SNRNP40: variants seen among roughly 807,000 people sequenced by gnomAD.
SNRNP40 encodes the protein small nuclear ribonucleoprotein U5 subunit 40, also known as U5 small nuclear ribonucleoprotein 40 kDa protein.
Under a neutral mutation model 45.8 loss-of-function variants are expected in SNRNP40, and 21 were observed. The observed-to-expected ratio is 0.46, with a 90% CI of 0.32 to 0.66. The LOEUF is 0.66. SNRNP40 is among the 30% of genes least tolerant of loss of function. The pLI is 0.03. For synonymous variants in SNRNP40, 142 were observed against 163.8 expected (o/e 0.87, Z 1.01); for missense variants, 344 against 439.1 (o/e 0.78, Z 1.94).
At chr1:31,284,196 C>T (rs1569663687) in intron 4 of SNRNP40, among the ~76,000 whole-genome samples, 1 of 152,246 alleles carries the variant, frequency 6.6e-6, no homozygotes, top group South Asian at 2.1e-4. Context: ...GTACTCCAGC[C>T]TGGGTGAGAG....
intron 4 of SNRNP40, among the ~76,000 whole-genome samples, chr1:31,287,055 T>C (rs1196373843): frequency 6.6e-6 from 1 of 152,220 alleles, no homozygotes; most frequent in Admixed American, 6.5e-5. Flanking sequence ...AGACTAAAAA[T>C]GCAAGTGCTG....
intron 5 of SNRNP40, among the ~76,000 whole-genome samples, chr1:31,277,218 A>G (rs1366348799): frequency 1.3e-5 from 2 of 152,182 alleles, no homozygotes; most frequent in East Asian, 1.9e-4. Context: ...AGCATCATCT[A>G]AAGAATGAAT....
Position 31,293,329 on chromosome 1 carries a change from G to C in SNRNP40, c.161C>G (p.Ser54Cys). ...LLQAGPPRCS[S>C]LQAPIMLLSG... ...GAGCAGCATGATTGGGGCTTGAAGG[G>C]AGGAACATCTTGGAGGTCCCTAAAC... Residue 54 changes from serine (S) to cysteine (C), a missense_variant, in exon 2 of 10, where the codon TCC becomes TGC. Ser to Cys is a moderately radical substitution (Grantham distance 112). This residue lies in a region of SNRNP40 where 254 missense variants were observed against 380.2 expected (regional missense o/e 0.67). Coordinates refer to ENST00000263694, the MANE Select transcript of SNRNP40 (RefSeq NM_004814.3). The C allele has an allele frequency of 1.2e-6, 2 of 1,611,154 alleles. No individual in the cohort carries two copies. The highest frequency in any genetic ancestry group is 2.2e-5 in the East Asian group (1 of 44,860).
At chr1:31,264,882 A>G (rs1241688644) in intron 8 of SNRNP40, among the ~76,000 whole-genome samples, 1 of 152,212 alleles carries the variant, frequency 6.6e-6, no homozygotes. Context: ...ACAGAATCCC[A>G]GATCTCCAAG....
intron 8 of SNRNP40, among the ~76,000 whole-genome samples, chr1:31,262,521 CAAAAAAAAAAAA>C (rs57503418): frequency 3.7e-4 from 15 of 40,618 alleles, no homozygotes; most frequent in Non-Finnish European, 6.4e-4. Context: ...ACTCCATCTC[CAAAAAAAAAAAA>C]AAAAAAAAAA....
At chr1:31,279,755 G>GA (rs1354841795) in intron 5 of SNRNP40, among the ~76,000 whole-genome samples, 2 of 150,650 alleles carry the variant, frequency 1.3e-5, no homozygotes, top group Non-Finnish European at 3.0e-5. Context: ...TCAAAAAAAA[G>GA]AAAAGTAGAA....
chr1:31,291,057 G>A (rs1377648992), intron 3 of SNRNP40, among the ~76,000 whole-genome samples: 1 of 151,914 alleles, frequency 6.6e-6, no homozygotes, highest in Non-Finnish European at 1.5e-5. Flanking sequence ...GGGAGGCTGA[G>A]GTGGGCGGAT....
In SNRNP40 at chr1:31,259,936, G is replaced by T. The variant is rs772937165; in HGVS notation, c.*136C>A. On this transcript the variant is annotated 3_prime_UTR_variant, in exon 10 of 10. Coordinates refer to ENST00000263694, the MANE Select transcript of SNRNP40 (RefSeq NM_004814.3). ...GGGACAGAAGTGGTTTTTGGAATAT[G>T]GCCACCGCCTCCTGTTTCTTGCTAG... The T allele has an allele frequency of 1.4e-5, 10 of 738,594 alleles. No homozygotes were observed. Among genetic ancestry groups the T allele is most frequent in the Non-Finnish European group, 2.2e-5 (9 of 410,288 alleles). The allele number at this position is 738,594 out of a possible 1,614,324, so 45.8% of individuals were successfully genotyped here. A position where few individuals can be genotyped will look rare whatever the true frequency, so the allele number is the denominator to read the frequency against.
intron 8 of SNRNP40, chr1:31,263,779 G>C: frequency 3.9e-6 from 1 of 254,414 alleles, no homozygotes; most frequent in Non-Finnish European, 7.7e-6. Flanking sequence ...GTGACCAGGA[G>C]CCCAGCAGGG....
At chr1:31,284,352 G>A (rs1006246343) in intron 4 of SNRNP40, among the ~76,000 whole-genome samples, 7 of 152,214 alleles carry the variant, frequency 4.6e-5, no homozygotes, top group African/African-American at 2.4e-5. Context: ...GTTTCACCAT[G>A]TTGGCCAGGC....
intron 2 of SNRNP40, chr1:31,292,935 C>T (rs1646117336): frequency 2.4e-6 from 1 of 413,638 alleles, no homozygotes; most frequent in African/African-American, 2.1e-5. Flanking sequence ...TTGCTAAGTG[C>T]CTTGGTAAAT....
chr1:31,261,457 T>G (rs1191216306), intron 9 of SNRNP40, 72 bp downstream of exon 9: 1 of 977,472 alleles, frequency 1.0e-6, no homozygotes, highest in African/African-American at 1.6e-5. Context: ...TACCCGCTTT[T>G]GACTCTCTAT....
chr1:31,293,456 G>A, intron 1 of SNRNP40, 108 bp from the exon 2 acceptor site: 2 of 1,110,804 alleles, frequency 1.8e-6, no homozygotes, highest in South Asian at 1.7e-5. Flanking sequence ...TGATTAAGTG[G>A]GTTTCATCTG....
At chr1:31,294,441 C>T (rs1159209403) in intron 1 of SNRNP40, among the ~76,000 whole-genome samples, 1 of 140,880 alleles carries the variant, frequency 7.1e-6, no homozygotes, top group East Asian at 2.0e-4. Context: ...TACTTCCCAG[C>T]ATTTTCATAT....
At chr1:31,280,632 G>A (rs1377950469) in intron 5 of SNRNP40, among the ~76,000 whole-genome samples, 1 of 152,178 alleles carries the variant, frequency 6.6e-6, no homozygotes, top group Non-Finnish European at 1.5e-5. Flanking sequence ...AGGAAGCCAA[G>A]AGGAAAGGAA....
At chr1:31,262,356 C>A (rs1246690239) in intron 8 of SNRNP40, among the ~76,000 whole-genome samples, 2 of 151,570 alleles carry the variant, frequency 1.3e-5, no homozygotes, top group Non-Finnish European at 2.9e-5. Flanking sequence ...CCAGTCTCTA[C>A]TAAAAATACA....
chr1:31,273,176 A>C (rs1334823647), intron 5 of SNRNP40, among the ~76,000 whole-genome samples: 1 of 152,166 alleles, frequency 6.6e-6, no homozygotes. Context: ...CATTTTGTTC[A>C]AGCTGTTGTT....
In SNRNP40 at chr1:31,293,267, G is replaced by A; in HGVS notation, c.223C>T (p.His75Tyr). Residue 75 changes from histidine to tyrosine, a missense_variant, in exon 2 of 10, where the codon CAC (histidine) becomes TAC (tyrosine). His to Tyr is a moderately conservative substitution (Grantham distance 83). Coordinates refer to ENST00000263694, the MANE Select transcript of SNRNP40 (RefSeq NM_004814.3). ...HEGEVYCCKFHPNGSTLASAG... is the reference protein window; with the variant it reads ...HEGEVYCCKFYPNGSTLASAG... ...GATGCTAAGGTGGATCCGTTGGGGT[G>A]GAACTTGCAGCAGTAGACTTCCCCT... The A allele has an allele frequency of 1.2e-5, 20 of 1,614,100 alleles. No homozygotes were observed. Among genetic ancestry groups the A allele is most frequent in the Non-Finnish European group, 1.6e-5 (19 of 1,180,002 alleles).
intron 5 of SNRNP40, 149 bp downstream of exon 5, chr1:31,281,225 G>T: frequency 1.7e-6 from 1 of 579,548 alleles, no homozygotes; most frequent in Non-Finnish European, 2.9e-6. Context: ...AGTCAATGAA[G>T]ACAGGAGAAA....
Sources: gnomAD v4.1 joint callset for allele counts (sites outside exome capture counted in the v4.1 genomes callset) on GRCh38, gnomAD v4.1.1 for gene constraint, gnomAD v4.1.1 regional missense constraint, MANE v1.5 for transcripts, NCBI Gene and HGNC (gene_info 2026-07-23, HGNC 2026-07-21) for gene names.